Variants in CAST observed in about 807,000 individuals in gnomAD.
CAST encodes MIR583 host.
Under a neutral mutation model 119.6 loss-of-function variants are expected in CAST, and 76 were observed. The observed-to-expected ratio is 0.64, with a 90% confidence interval of 0.53 to 0.77. The LOEUF is 0.77. CAST is among the 30% of genes least tolerant of loss of function. The probability of loss-of-function intolerance (pLI) is 0.00; values close to 1 mark genes in which losing one functional copy is unlikely to be tolerated. For synonymous variants in CAST, 319 were observed against 331.6 expected (o/e 0.96, Z 0.41); for missense variants, 953 against 946.5 (o/e 1.01, Z -0.09).
chr5:96,743,658 A>G (rs775569228), intron 16 of CAST: 19 of 1,613,358 alleles, frequency 1.2e-5, no homozygotes, highest in Non-Finnish European at 1.5e-5. Flanking sequence ...ACTTTCTTGG[A>G]GGGCTCACCG....
the CAST span, among the ~76,000 whole-genome samples, chr5:96,249,577 T>C: frequency 1.3e-5 from 2 of 152,318 alleles, no homozygotes; most frequent in African/African-American, 2.4e-5. Flanking sequence ...ATCATTTCTA[T>C]ATAAATTTGG....
the CAST span, among the ~76,000 whole-genome samples, chr5:96,357,653 A>G: frequency 6.6e-6 from 1 of 152,192 alleles, no homozygotes; most frequent in Admixed American, 6.5e-5. Flanking sequence ...GCGTATGTTG[A>G]AGCAGCCTTG....
At chr5:96,367,036 C>T in the CAST span, among the ~76,000 whole-genome samples, 1 of 152,152 alleles carries the variant, frequency 6.6e-6, no homozygotes, top group Non-Finnish European at 1.5e-5. Context: ...TTGTTAGTTT[C>T]CCTTCTAACA....
chr5:96,500,351 C>T, the CAST span, among the ~76,000 whole-genome samples: 177 of 152,294 alleles, frequency 1.2e-3, no homozygotes, highest in Middle Eastern at 3.4e-3. Flanking sequence ...GTATAATTAA[C>T]TGTATAGTAA....
the CAST span, among the ~76,000 whole-genome samples, chr5:96,519,942 A>G: frequency 1.3e-5 from 2 of 151,964 alleles, no homozygotes; most frequent in African/African-American, 4.8e-5. Flanking sequence ...TTCCCTTTTT[A>G]AAAAAACTAT....
At chr5:96,288,606 A>G in the CAST span, among the ~76,000 whole-genome samples, 6 of 152,344 alleles carry the variant, frequency 3.9e-5, no homozygotes, top group African/African-American at 1.4e-4. Context: ...TAACCTTAAA[A>G]ACATTTTTAT....
At chr5:96,509,543 T>C in the CAST span, among the ~76,000 whole-genome samples, 88,982 of 152,100 alleles carry the variant, frequency 0.59, 26,327 homozygotes, top group Middle Eastern at 0.66. Flanking sequence ...TGAGCTCTGG[T>C]GCTTCTGCTA....
At chr5:96,238,590 G>T in the CAST span, among the ~76,000 whole-genome samples, 1 of 149,060 alleles carries the variant, frequency 6.7e-6, no homozygotes, top group Non-Finnish European at 1.5e-5. Flanking sequence ...AGTAGAGATG[G>T]TGTTTCACCA....
At chr5:95,987,940 C>T in the CAST span, among the ~76,000 whole-genome samples, 15 of 152,304 alleles carry the variant, frequency 9.8e-5, no homozygotes, top group Non-Finnish European at 1.6e-4. Context: ...TCAAATGTTT[C>T]CTTCATTGCA....
At chr5:96,487,351 C>T in the CAST span, among the ~76,000 whole-genome samples, 1 of 152,198 alleles carries the variant, frequency 6.6e-6, no homozygotes, top group East Asian at 1.9e-4. Flanking sequence ...GTACATCATA[C>T]TATCATAGCA....
intron 1 of CAST, among the ~76,000 whole-genome samples, chr5:96,581,666 G>A (rs1025272847): frequency 6.6e-6 from 1 of 152,092 alleles, no homozygotes; most frequent in East Asian, 1.9e-4. Context: ...CGAGACGGGC[G>A]GATCACAAGG....
chr5:96,354,078 T>C, the CAST span, among the ~76,000 whole-genome samples: 5,447 of 152,228 alleles, frequency 0.036, 347 homozygotes, highest in African/African-American at 0.12. Flanking sequence ...AATACATTGG[T>C]AAACTTGGGC....
At chr5:96,619,646 C>T (rs895028571) in intron 1 of CAST, among the ~76,000 whole-genome samples, 1 of 152,190 alleles carries the variant, frequency 6.6e-6, no homozygotes, top group Non-Finnish European at 1.5e-5. Flanking sequence ...CAGCTTCACT[C>T]CTGAAGCCAG....
At chr5:96,624,996 CTCTTCT>C (rs1747691093) in intron 1 of CAST, among the ~76,000 whole-genome samples, 1 of 152,302 alleles carries the variant, frequency 6.6e-6, no homozygotes, top group East Asian at 1.9e-4. Context: ...AGACATATGA[CTCTTCT>C]AAGTAAGAAA....
At chr5:96,520,115 T>C in the CAST span, among the ~76,000 whole-genome samples, 3 of 152,234 alleles carry the variant, frequency 2.0e-5, no homozygotes, top group African/African-American at 7.2e-5. Context: ...GTTTTGTACT[T>C]GAGACTCCCT....
the CAST span, among the ~76,000 whole-genome samples, chr5:96,130,687 T>C: frequency 6.6e-6 from 1 of 151,652 alleles, no homozygotes; most frequent in African/African-American, 2.4e-5. Flanking sequence ...ATATTACAAA[T>C]CGAAAAGAGA....
At chr5:96,485,815 T>C in the CAST span, among the ~76,000 whole-genome samples, 1 of 152,138 alleles carries the variant, frequency 6.6e-6, no homozygotes. Context: ...GTATTGAAAA[T>C]AGACCACTCA....
At chr5:96,687,084 A>G (rs1299832199) in intron 2 of CAST, among the ~76,000 whole-genome samples, 2 of 152,310 alleles carry the variant, frequency 1.3e-5, no homozygotes, top group Admixed American at 1.3e-4. Context: ...GGATCGTTGG[A>G]TGGAAAATTA....
chr5:96,154,645 C>T, the CAST span, among the ~76,000 whole-genome samples: 5 of 152,288 alleles, frequency 3.3e-5, no homozygotes, highest in South Asian at 8.3e-4. Context: ...CCCATAGATT[C>T]CTATTGGCTA....
Sources: allele counts gnomAD v4.1 joint callset (sites outside exome capture counted in the v4.1 genomes callset), GRCh38; gene constraint gnomAD v4.1.1; transcripts MANE v1.5; gene names NCBI Gene and HGNC (gene_info 2026-07-23, HGNC 2026-07-21).